Variants in ATP8B4 observed in about 807,000 individuals in gnomAD.
The protein encoded by ATP8B4 is ATPase phospholipid transporting 8B4 (putative).
A neutral mutation model predicts 145.6 loss-of-function variants in ATP8B4; 133 were observed. The observed-to-expected ratio is 0.91, with a 90% CI of 0.79 to 1.05. The LOEUF (loss-of-function observed/expected upper bound fraction) is 1.05. ATP8B4 is among the 50% of genes least tolerant of loss of function. ATP8B4 has a pLI of 0.00. For missense variants in ATP8B4, 1,458 were observed against 1,425.2 expected, an observed-to-expected ratio of 1.02 and a Z score of -0.37; for synonymous variants, 507 against 492.9, an observed-to-expected ratio of 1.03 and a Z score of -0.38.
rs140505379 is a variant in ATP8B4 at position 49,930,786 on chromosome 15, T to C, written c.1642+333A>G. ...TAATGGGTATAAATATAATAGTTCC[T>C]ACCTTATTAGGATTGTTGGGACAAT... On this transcript the variant is annotated intron_variant, in intron 16 of 27. Transcript: ENST00000284509. Among the ~76,000 whole-genome samples the C allele has an allele frequency of 2.6e-5, 4 of 152,232 alleles. No individual in the cohort carries two copies. In the East Asian group the frequency reaches 7.7e-4, roughly 29 times the overall value.
intron 7 of ATP8B4, among the ~76,000 whole-genome samples, chr15:50,007,237 G>T (rs571843327): frequency 6.6e-6 from 1 of 152,060 alleles, no homozygotes; most frequent in Admixed American, 6.6e-5. Context: ...TTCTAAGTTC[G>T]AACAGCTAGA....
rs143855417 is a variant in ATP8B4 at position 49,979,671 on chromosome 15, A to G, written c.980T>C (p.Phe327Ser). ...KSSVFSGFLTFWSYIIILNTV... is the reference protein window; with the variant it reads ...KSSVFSGFLTSWSYIIILNTV... ...ATTGAGAATAATAATATATGACCAG[A>G]ATGTTAAGAATCCGGAGAACACAGA... The change falls in exon 12 of 28, where the codon TTC becomes TCC. Residue 327 changes from phenylalanine to serine, a missense_variant. Transcript: ENST00000284509. The G allele has an allele frequency of 3.7e-4, 597 of 1,605,238 alleles. No individual in the cohort carries two copies. The highest frequency in any genetic ancestry group is 4.7e-4 in the Non-Finnish European group (546 of 1,173,822).
intron 25 of ATP8B4, among the ~76,000 whole-genome samples, chr15:49,870,021 A>C (rs1334850154): frequency 2.0e-5 from 3 of 152,234 alleles, no homozygotes; most frequent in Non-Finnish European, 4.4e-5. Flanking sequence ...ATTTCTAGGA[A>C]CTTATCTGAC....
intron 23 of ATP8B4, chr15:49,886,020 C>G (rs1366922321): frequency 6.6e-6 from 1 of 152,168 alleles, no homozygotes; most frequent in East Asian, 1.9e-4. Flanking sequence ...GGCTTCTGGA[C>G]CACTCATCGG....
At chr15:49,941,959 T>C (rs1321340689) in intron 14 of ATP8B4, among the ~76,000 whole-genome samples, 1 of 152,188 alleles carries the variant, frequency 6.6e-6, no homozygotes, top group Non-Finnish European at 1.5e-5. Context: ...AAATACCATA[T>C]GTCCTCACTT....
chr15:49,992,562 C>T (rs1413543190), intron 9 of ATP8B4, among the ~76,000 whole-genome samples: 1 of 152,148 alleles, frequency 6.6e-6, no homozygotes, highest in East Asian at 1.9e-4. Flanking sequence ...TTCAACCCAT[C>T]TCAGTTCTGA....
intron 23 of ATP8B4, among the ~76,000 whole-genome samples, chr15:49,892,208 G>A (rs1198143162): frequency 6.6e-6 from 1 of 151,834 alleles, no homozygotes; most frequent in African/African-American, 2.4e-5. Flanking sequence ...AAAATAACAT[G>A]TTTGAAGAAT....
intron 2 of ATP8B4, among the ~76,000 whole-genome samples, chr15:50,105,452 T>C (rs1381821250): frequency 6.6e-6 from 1 of 152,082 alleles, no homozygotes; most frequent in Non-Finnish European, 1.5e-5. Context: ...AAATTAAAAG[T>C]TAGGGGAAAT....
intron 1 of ATP8B4, among the ~76,000 whole-genome samples, chr15:50,174,133 G>C (rs1010154189): frequency 6.6e-6 from 1 of 152,074 alleles, no homozygotes; most frequent in Non-Finnish European, 1.5e-5. Flanking sequence ...CGGCATACAA[G>C]GGACATACCT....
chr15:49,863,412 G>A (rs748229659), intron 26 of ATP8B4, among the ~76,000 whole-genome samples: 3 of 152,128 alleles, frequency 2.0e-5, no homozygotes, highest in Non-Finnish European at 4.4e-5. Context: ...AAGGCAATAC[G>A]GGTCAGTAAG....
intron 1 of ATP8B4, among the ~76,000 whole-genome samples, chr15:50,156,135 T>A (rs62020271): frequency 1.3e-4 from 2 of 15,536 alleles, no homozygotes; most frequent in South Asian, 2.2e-3. Flanking sequence ...TTTATATATA[T>A]ATAAATATAT....
At chr15:49,874,690 G>A (rs28580427) in intron 25 of ATP8B4, among the ~76,000 whole-genome samples, 1 of 152,094 alleles carries the variant, frequency 6.6e-6, no homozygotes, top group Non-Finnish European at 1.5e-5. Flanking sequence ...TCAAGGGTTA[G>A]AAATTTCAAA....
chr15:50,136,572 A>C (rs2044124413), intron 1 of ATP8B4, among the ~76,000 whole-genome samples: 1 of 152,228 alleles, frequency 6.6e-6, no homozygotes, highest in Non-Finnish European at 1.5e-5. Flanking sequence ...AGCAGTGCTT[A>C]ATTGCTAAGT....
chr15:50,007,945 AT>A (rs1169524844), intron 7 of ATP8B4, among the ~76,000 whole-genome samples: 2 of 152,226 alleles, frequency 1.3e-5, no homozygotes, highest in African/African-American at 4.8e-5. Context: ...TTATCCAAAG[AT>A]TAGGCCAACA....
intron 26 of ATP8B4, among the ~76,000 whole-genome samples, 185 bp downstream of exon 26, chr15:49,866,159 TAG>T (rs1337216038): frequency 6.6e-6 from 1 of 152,194 alleles, no homozygotes; most frequent in Non-Finnish European, 1.5e-5. Context: ...CTGCATCCAG[TAG>T]AGACAGCAGA....
intron 7 of ATP8B4, among the ~76,000 whole-genome samples, chr15:50,006,489 C>CAAAAAAAAAAAAAAAAAAAAAA (rs750033683): frequency 2.1e-5 from 1 of 47,858 alleles, no homozygotes. Flanking sequence ...ATGAGACCAC[C>CAAAAAAAAAAAAAAAAAAAAAA]AAAAAAAAAA....
intron 12 of ATP8B4, among the ~76,000 whole-genome samples, chr15:49,974,081 CTTT>C (rs5812500): frequency 3.2e-5 from 4 of 126,716 alleles, no homozygotes; most frequent in Admixed American, 8.1e-5. Context: ...TATCATTTGT[CTTT>C]TTTTTTTTTT....
intron 2 of ATP8B4, among the ~76,000 whole-genome samples, chr15:50,097,409 C>G (rs566555856): frequency 6.6e-6 from 1 of 152,180 alleles, no homozygotes; most frequent in East Asian, 1.9e-4. Flanking sequence ...CAATACTTTC[C>G]AAAATGCTGT....
At chr15:50,098,860 C>A (rs985449032) in intron 2 of ATP8B4, among the ~76,000 whole-genome samples, 3 of 152,074 alleles carry the variant, frequency 2.0e-5, no homozygotes, top group Admixed American at 1.3e-4. Context: ...TTTCAATTTT[C>A]ATTTATTTCA....
Sources: gnomAD v4.1 joint callset for allele counts (sites outside exome capture counted in the v4.1 genomes callset) on GRCh38, gnomAD v4.1.1 for gene constraint, MANE v1.5 for transcripts, NCBI Gene and HGNC (gene_info 2026-07-23, HGNC 2026-07-21) for gene names.